The following INF2 variants were observed in gnomAD, a reference collection of about 807,000 sequenced individuals.
INF2 encodes inverted formin-2.
Under a neutral mutation model 123.5 loss-of-function variants are expected in INF2, and 43 were observed. That is an observed-to-expected ratio of 0.35 (90% CI 0.27 to 0.45). The LOEUF is 0.45. Ranked by LOEUF, INF2 falls within the 20% of genes least tolerant of loss-of-function variation. The probability of loss-of-function intolerance (pLI) is 1.00; values close to 1 mark genes in which losing one functional copy is unlikely to be tolerated. For missense variants in INF2, 1,453 were observed against 1,682.7 expected (o/e 0.86, Z 2.39); for synonymous variants, 851 against 745.0 (o/e 1.14, Z -2.32).
intron 22 of INF2, among the ~76,000 whole-genome samples, chr14:104,716,829 C>T (rs544389368): frequency 6.6e-6 from 1 of 152,240 alleles, no homozygotes; most frequent in East Asian, 1.9e-4. Flanking sequence ...TAGCTGGGAC[C>T]ACAGGCACAC....
intron 5 of INF2, among the ~76,000 whole-genome samples, chr14:104,705,310 A>C (rs1889731765): frequency 6.6e-6 from 1 of 152,202 alleles, no homozygotes; most frequent in Non-Finnish European, 1.5e-5. Context: ...CCAACTACTC[A>C]GGAGGCTGAG....
chr14:104,717,594 A>G (rs1461811908), intron 22 of INF2: 1 of 152,184 alleles, frequency 6.6e-6, no homozygotes, highest in Non-Finnish European at 1.5e-5. Context: ...CTTGTATGAC[A>G]TTGACGTTCT....
chr14:104,709,414 A>C (rs1185418211), intron 11 of INF2, 31 bp downstream of exon 11: 1 of 1,546,526 alleles, frequency 6.5e-7, no homozygotes, highest in Non-Finnish European at 8.9e-7. Context: ...CCCCACCCCC[A>C]GTTAGTGCCA....
intron 1 of INF2, among the ~76,000 whole-genome samples, chr14:104,698,667 G>GGT (rs1413985655): frequency 6.6e-6 from 1 of 152,188 alleles, no homozygotes; most frequent in Non-Finnish European, 1.5e-5. Context: ...GTCTGGCCGT[G>GGT]GTGTGTTTGC....
Position 104,703,958 on chromosome 14 carries a change from C to T in INF2, c.701+9C>T. ...GTCCTGGCTCGCCTGCGGTGAGTCC[C>T]CACTGTAGCGGTCCTGCCGGCTCCC... is the stretch of plus-strand genomic sequence containing the variant. On this transcript the variant is annotated intron_variant, in intron 5 of 22. Coordinates refer to ENST00000392634, the MANE Select transcript of INF2 (RefSeq NM_022489.4). The T allele has an allele frequency of 1.2e-6, 2 of 1,609,758 alleles. No homozygotes were observed. Among genetic ancestry groups the T allele is most frequent in the Non-Finnish European group, 1.7e-6 (2 of 1,179,972 alleles).
At chr14:104,710,584 C>T in intron 13 of INF2, 3 of 501,658 alleles carry the variant, frequency 6.0e-6, no homozygotes, top group South Asian at 2.3e-5. Flanking sequence ...ACGTACACAC[C>T]CCCCCAACAC....
In INF2 at chr14:104,707,627, C is replaced by T. The variant is rs545495465; in HGVS notation, c.1360C>T (p.Leu454Phe). The change falls in exon 8 of 23, where the codon CTC (leucine) becomes TTC (phenylalanine). Residue 454 changes from leucine to phenylalanine, a missense_variant. Coordinates refer to ENST00000392634, the MANE Select transcript of INF2 (RefSeq NM_022489.4). ...CCTGCCCAGTGTGGGGGCTAAGGCC[C>T]TCCCAACAGCACCCCCGCCCCCACC... ...PPLPSVGAKA[L>F]PTAPPPPPLP... 138 of 973,054 alleles carry T rather than the reference C, an allele frequency of 1.4e-4. No homozygotes were observed. The highest frequency in any genetic ancestry group is 2.0e-4 in the Non-Finnish European group (134 of 679,218). The allele number at this position is 973,054 out of a possible 1,614,324, so 60.3% of individuals were successfully genotyped here. A position where few individuals can be genotyped will look rare whatever the true frequency, so the allele number is the denominator to read the frequency against.
intron 10 of INF2, among the ~76,000 whole-genome samples, chr14:104,708,971 C>A (rs1283185558): frequency 1.3e-5 from 2 of 152,204 alleles, no homozygotes; most frequent in African/African-American, 2.4e-5. Flanking sequence ...GTGGCTAAAC[C>A]AGTGGGCCCT....
chr14:104,696,258 G>T (rs544797422), intron 1 of INF2, among the ~76,000 whole-genome samples: 1 of 152,316 alleles, frequency 6.6e-6, no homozygotes, highest in East Asian at 1.9e-4. Context: ...TTGGAGGCAG[G>T]AGCCTTGCAC....
At position 104,709,666 on chromosome 14, in the gene INF2, G is replaced by T. The variant is rs1315221308; in HGVS notation, c.2099G>T (p.Ser700Ile). The T allele has an allele frequency of 6.2e-7, 1 of 1,612,764 alleles. No homozygotes were observed. The highest frequency in any genetic ancestry group is 8.5e-7 in the Non-Finnish European group (1 of 1,179,854). The stretch of plus-strand genomic sequence containing the variant: ...ACAGAGGAGCGAGCCAAGCTGGCCA[G>T]CGCCGACCACTTCTACCTCCTCCTG... ...AFTEERAKLA[S>I]ADHFYLLLLA... The change falls in exon 12 of 23, where the codon AGC (serine) becomes ATC (isoleucine). Residue 700 changes from serine to isoleucine, a missense_variant. Around this residue, in one of 8 missense-constraint regions of INF2, gnomAD observed 192 missense variants for 274.4 expected, o/e 0.70. Transcript: ENST00000392634.
At chr14:104,687,951 G>T (rs957550579), upstream of INF2, among the ~76,000 whole-genome samples, 1 of 152,244 alleles carries the variant, frequency 6.6e-6, no homozygotes, top group Non-Finnish European at 1.5e-5. This position sits in a 1 kb window ranked among gnomAD's most constrained non-coding sequence, Gnocchi z 5.6. Context: ...AGATGAGTCA[G>T]CCCCGCCCGT....
chr14:104,695,530 C>T (rs1889146963), intron 1 of INF2, among the ~76,000 whole-genome samples: 1 of 136,772 alleles, frequency 7.3e-6, no homozygotes, highest in African/African-American at 2.5e-5. Context: ...GGCTTCCTGG[C>T]GTGGGGCCTC....
chr14:104,699,632 C>A lies in INF2; in HGVS notation c.-9-1725C>A, dbSNP rs1025444082. ...ACGGCCACTGGGTGACCAAGAGGGC[C>A]GGGCCTGGGAGGGTGGCTTAAAACC... On this transcript the variant is annotated intron_variant, in intron 1 of 22. Coordinates refer to ENST00000392634, the MANE Select transcript of INF2 (RefSeq NM_022489.4). This position sits in a 1 kb window ranked among gnomAD's most constrained non-coding sequence, Gnocchi z 4.7. 1.0e-6 allele frequency: 1 copy of A among 978,176 alleles called. No individual in the cohort carries two copies. The highest frequency in any genetic ancestry group is 1.8e-5 in the African/African-American group (1 of 57,052). The allele number at this position is 978,176 out of a possible 1,614,324, so 60.6% of individuals were successfully genotyped here. A position where few individuals can be genotyped will look rare whatever the true frequency, so the allele number is the denominator to read the frequency against.
chr14:104,686,787 C>T (rs1888674864), upstream of INF2, among the ~76,000 whole-genome samples: 1 of 152,150 alleles, frequency 6.6e-6, no homozygotes, highest in Non-Finnish European at 1.5e-5. Context: ...GACTGCACGG[C>T]GGCGCCAACA....
rs1889482378 is a variant in INF2, at chr14:104,701,345, C to G, written c.-9-12C>G. On this transcript the variant is annotated splice_polypyrimidine_tract_variant and intron_variant, in intron 1 of 22. Transcript: ENST00000392634. Reference sequence around the variant, plus strand: ...CCCTCCCCGCTGACGGCTCCCTGCCCTCTGCCTGCAGCTCGGCAAGATGTC... The same window carrying G: ...CCCTCCCCGCTGACGGCTCCCTGCCGTCTGCCTGCAGCTCGGCAAGATGTC... 1.1e-5 allele frequency: 17 copies of G among 1,564,018 alleles called. No individual in the cohort carries two copies. Among genetic ancestry groups the G allele is most frequent in the African/African-American group, 1.4e-5 (1 of 73,696 alleles).
intron 10 of INF2, 135 bp downstream of exon 10, chr14:104,708,867 G>T: frequency 1.0e-6 from 1 of 974,102 alleles, no homozygotes. Context: ...AGGATTGTAG[G>T]CGGGTAATAG....
chr14:104,707,194 C>T, intron 7 of INF2, 59 bp from the exon 8 acceptor site: 2 of 1,544,764 alleles, frequency 1.3e-6, no homozygotes, highest in Non-Finnish European at 1.7e-6. Flanking sequence ...CTTCCTCAAG[C>T]CCCCATCCCT....
At position 104,713,201 on chromosome 14, in the gene INF2, G is replaced by A. The variant is rs1391974668; in HGVS notation, c.2776-6G>A. 3.8e-6 allele frequency: 6 copies of A among 1,558,922 alleles called. No homozygotes were observed. The highest frequency in any genetic ancestry group is 3.9e-5 in the Admixed American group (2 of 51,658). ...TGGGGTGACGGGGCCACATCTGCCAGTGCAGGAGAACAAGGACCGGAAGGA... is the reference window on the plus strand; with the variant it reads ...TGGGGTGACGGGGCCACATCTGCCAATGCAGGAGAACAAGGACCGGAAGGA... On this transcript the variant is annotated splice_region_variant and splice_polypyrimidine_tract_variant and intron_variant, in intron 18 of 22. Coordinates refer to ENST00000392634, the MANE Select transcript of INF2 (RefSeq NM_022489.4).
rs542264567 is a variant in INF2 at position 104,710,255 on chromosome 14, C to T, written c.2239+67C>T. 1,731 of 1,147,336 alleles carry T rather than the reference C, an allele frequency of 1.5e-3. 4 individuals carry two copies. The highest frequency in any genetic ancestry group is 1.8e-3 in the Non-Finnish European group (1,461 of 795,834). 71.1% of individuals were successfully genotyped at this position (1,147,336 alleles called of 1,614,324 possible). A position where few individuals can be genotyped will look rare whatever the true frequency, so the allele number is the denominator to read the frequency against. ...CCTCCGAACCGGGGCGGGAGGGCTG[C>T]TCGGGGCCCCTGCTACTGCCAGTAT... is the stretch of plus-strand genomic sequence containing the variant. On this transcript the variant is annotated intron_variant, in intron 13 of 22. Coordinates refer to ENST00000392634, the MANE Select transcript of INF2 (RefSeq NM_022489.4).
Sources: allele counts gnomAD v4.1 joint callset (sites outside exome capture counted in the v4.1 genomes callset), GRCh38; gene constraint gnomAD v4.1.1; regional missense constraint gnomAD v4.1.1; non-coding constraint Gnocchi (gnomAD v3.1); transcripts MANE v1.5; gene names NCBI Gene and HGNC (gene_info 2026-07-23, HGNC 2026-07-21).